ZSCAN29: variants seen among roughly 807,000 people sequenced by gnomAD.
ZSCAN29 encodes the protein zinc finger and SCAN domain containing 29.
ZSCAN29 carries 55 observed loss-of-function variants against 71.9 expected under a neutral mutation model. That is an observed-to-expected ratio of 0.76 (90% CI 0.62 to 0.96). ZSCAN29 has a LOEUF of 0.96. Ranked by LOEUF, ZSCAN29 falls within the 40% of genes least tolerant of loss-of-function variation. The probability of loss-of-function intolerance (pLI) is 0.00; values close to 1 mark genes in which losing one functional copy is unlikely to be tolerated. For synonymous variants in ZSCAN29, 351 were observed against 371.6 expected (o/e 0.94, Z 0.64); for missense variants, 1,042 against 1,042.2 (o/e 1.00, Z 0.00).
At position 43,366,782 on chromosome 15, in the gene ZSCAN29, C is replaced by T; in HGVS notation, c.550G>A (p.Val184Ile). The T allele has an allele frequency of 6.2e-7, 1 of 1,612,854 alleles. No individual in the cohort carries two copies. Among genetic ancestry groups the T allele is most frequent in the Non-Finnish European group, 8.5e-7 (1 of 1,179,564 alleles). ...SGLPFPKSGV[V>I]SRLEQGEPWI... is the part of the protein sequence containing the mutation. The stretch of plus-strand genomic sequence containing the variant: ...GGCTCTCCTTGCTCCAACCTGGAGA[C>T]CACACCGGATTTAGGAAATGGCAAT... Residue 184 changes from valine to isoleucine, a missense_variant, in exon 4 of 6, where the codon GTC becomes ATC. Transcript: ENST00000684362.
At position 43,361,071 on chromosome 15, in the gene ZSCAN29, G is replaced by A; in HGVS notation, c.*2C>T. 3 of 1,587,780 alleles carry A rather than the reference G, an allele frequency of 1.9e-6. No homozygotes were observed. Among genetic ancestry groups the A allele is most frequent in the Non-Finnish European group, 2.6e-6 (3 of 1,164,544 alleles). On this transcript the variant is annotated 3_prime_UTR_variant, in exon 6 of 6. Coordinates refer to ENST00000684362, the MANE Select transcript of ZSCAN29 (RefSeq NM_001372080.1). ...CTCTTTCCGTTATATATCCTCAGGG[G>A]CTTACTTGGGAGCTGACTGTGTCAG...
chr15:43,361,135 G>A lies in ZSCAN29; in HGVS notation c.2497C>T (p.Leu833Phe), dbSNP rs756962367. 2.5e-6 allele frequency: 4 copies of A among 1,613,620 alleles called. No individual in the cohort carries two copies. Among genetic ancestry groups the A allele is most frequent in the Non-Finnish European group, 3.4e-6 (4 of 1,179,538 alleles). Reference sequence around the variant, plus strand: ...GCATGGATTTCTCCGTGCTTATTAAGGGCAGAGCTTTTACTGAAGCACTTA... The same window carrying A: ...GCATGGATTTCTCCGTGCTTATTAAAGGCAGAGCTTTTACTGAAGCACTTA... ...CGKCFSKSSA[L>F]NKHGEIHARE... The change falls in exon 6 of 6, where the codon CTT (leucine) becomes TTT (phenylalanine). Residue 833 changes from leucine (L) to phenylalanine (F), a missense_variant. Coordinates refer to ENST00000684362, the MANE Select transcript of ZSCAN29 (RefSeq NM_001372080.1).
rs1375558659 is a variant in ZSCAN29 at position 43,369,014 on chromosome 15, A to G, written c.432T>C (p.Gly144=). ...RQESVEPQPR[G]VPKKERARSP... is the part of the protein sequence containing the mutation. ...TTCTTGCCCTCTCTTTCTTGGGTACACCCCTGGGCTGGGGTTCCACTGACT... is the reference window on the plus strand; with the variant it reads ...TTCTTGCCCTCTCTTTCTTGGGTACGCCCCTGGGCTGGGGTTCCACTGACT... Residue 144 remains glycine, a synonymous_variant, in exon 3 of 6, where the codon GGT becomes GGC. Coordinates refer to ENST00000684362, the MANE Select transcript of ZSCAN29 (RefSeq NM_001372080.1). The G allele has an allele frequency of 1.2e-6, 2 of 1,612,412 alleles. No individual in the cohort carries two copies. Among genetic ancestry groups the G allele is most frequent in the Admixed American group, 1.7e-5 (1 of 59,764 alleles).
At position 43,366,546 on chromosome 15, in the gene ZSCAN29, C is replaced by G; in HGVS notation, c.786G>C (p.Gln262His). Residue 262 changes from glutamine to histidine, a missense_variant, in exon 4 of 6, where the codon CAG becomes CAC. Physicochemically the swap from Gln to His is conservative, Grantham distance 24. Coordinates refer to ENST00000684362, the MANE Select transcript of ZSCAN29 (RefSeq NM_001372080.1). ...TTCTGAGAGCCTCATAAAACTCAGT[C>G]TGGCTGAGAATTGCGAGGAGCGTTC... ...ETRTLLAILS[Q>H]TEFYEALRNC... 6.2e-7 allele frequency: 1 copy of G among 1,614,262 alleles called. No homozygotes were observed.
rs764111575 is a variant in ZSCAN29, at chr15:43,358,925, A to G, written c.*2148T>C. 6.6e-6 allele frequency: 1 copy of G among 152,272 alleles called. No individual in the cohort carries two copies. Among genetic ancestry groups the G allele is most frequent in the Non-Finnish European group, 1.5e-5 (1 of 68,092 alleles). 9.4% of individuals were successfully genotyped at this position (152,272 alleles called of 1,614,324 possible). A position where few individuals can be genotyped will look rare whatever the true frequency, so the allele number is the denominator to read the frequency against. On this transcript the variant is annotated 3_prime_UTR_variant, in exon 6 of 6. Transcript: ENST00000684362. ...ATTCTCTCTGCCTGCTGCACAGCCC[A>G]TATCATACTATTCCTCAAGTTCTCA...
Position 43,371,020 on chromosome 15 carries a change from A to C in ZSCAN29, c.-575T>G. ...CCCGGCCCCGGCTCTCCAGCCTCCCAAGTACAGCTCCCAAACCGGAAGTCC... is the reference window on the plus strand; with the variant it reads ...CCCGGCCCCGGCTCTCCAGCCTCCCCAGTACAGCTCCCAAACCGGAAGTCC... On this transcript the variant is annotated 5_prime_UTR_variant, in exon 1 of 6. Transcript: ENST00000684362. 1 of 333,624 alleles carries C rather than the reference A, an allele frequency of 3.0e-6. No homozygotes were observed. The allele number at this position is 333,624 out of a possible 1,614,324, so 20.7% of individuals were successfully genotyped here. A position where few individuals can be genotyped will look rare whatever the true frequency, so the allele number is the denominator to read the frequency against.
chr15:43,368,906 A>G lies in ZSCAN29; in HGVS notation c.523+17T>C, dbSNP rs201028220. On this transcript the variant is annotated intron_variant, in intron 3 of 5. Coordinates refer to ENST00000684362, the MANE Select transcript of ZSCAN29 (RefSeq NM_001372080.1). ...TTGGAATGGCAGTCTATCTTCCCAT[A>G]TGAATCTACTCCTCACCGCTCCTTT... is the stretch of plus-strand genomic sequence containing the variant. 6.4e-7 allele frequency: 1 copy of G among 1,567,158 alleles called. No homozygotes were observed. The highest frequency in any genetic ancestry group is 8.7e-7 in the Non-Finnish European group (1 of 1,155,252).
chr15:43,369,281 T>C (rs1013351369), intron 2 of ZSCAN29, 154 bp from the exon 3 acceptor site: 37 of 711,826 alleles, frequency 5.2e-5, no homozygotes, highest in Non-Finnish European at 7.7e-5. Flanking sequence ...TCTTATTCCA[T>C]TGCCATTAGC....
At chr15:43,370,206 A>G in intron 1 of ZSCAN29, 181 bp from the exon 2 acceptor site, 1 of 370,280 alleles carries the variant, frequency 2.7e-6, no homozygotes, top group Non-Finnish European at 4.9e-6. Context: ...AGGAAGCAGC[A>G]GAGAATAAAA....
chr15:43,369,744 A>G lies in ZSCAN29; in HGVS notation c.170T>C (p.Ile57Thr), dbSNP rs1340956253. 2.7e-5 allele frequency: 44 copies of G among 1,614,128 alleles called. No homozygotes were observed. Among genetic ancestry groups the G allele is most frequent in the Non-Finnish European group, 3.4e-5 (40 of 1,180,058 alleles). ...LRPEVRTKEQ[I>T]VELLVLEQFL... ...CTGCTCTAGCACCAACAGTTCTACA[A>G]TCTGCTCCTTGGTGCGCACCTCCGG... The change falls in exon 2 of 6, where the codon ATT (isoleucine) becomes ACT (threonine). Residue 57 changes from isoleucine to threonine, a missense_variant. Physicochemically the swap from Ile to Thr is moderately conservative, Grantham distance 89. Coordinates refer to ENST00000684362, the MANE Select transcript of ZSCAN29 (RefSeq NM_001372080.1).
chr15:43,370,334 C>CA (rs900977763), intron 1 of ZSCAN29: 46 of 160,974 alleles, frequency 2.9e-4, no homozygotes, highest in African/African-American at 1.1e-3. Flanking sequence ...GATCTAAAGA[C>CA]AAGTCACCAT....
At position 43,364,357 on chromosome 15, in the gene ZSCAN29, G is replaced by A; in HGVS notation, c.1248C>T (p.Thr416=). ...PGGVHWGYEE[T]KTYLAILSET... ...CACTAAGAATTGCAAGGTAAGTCTT[G>A]GTCTCTTCATAGCCCCAGTGTACAC... The change falls in exon 5 of 6, where the codon ACC becomes ACT. Residue 416 remains threonine (T), a synonymous_variant. Transcript: ENST00000684362. The A allele has an allele frequency of 6.2e-7, 1 of 1,613,926 alleles. No individual in the cohort carries two copies. Among genetic ancestry groups the A allele is most frequent in the Non-Finnish European group, 8.5e-7 (1 of 1,179,988 alleles).
Position 43,361,917 on chromosome 15 carries a change from T to G in ZSCAN29, c.1715A>C (p.Glu572Ala). 1.2e-6 allele frequency: 2 copies of G among 1,610,396 alleles called. No homozygotes were observed. Among genetic ancestry groups the G allele is most frequent in the Middle Eastern group, 1.7e-4 (1 of 6,042 alleles). The change falls in exon 6 of 6, where the codon GAA becomes GCA. Residue 572 changes from glutamate (E) to alanine (A), a missense_variant. Glu to Ala is a moderately radical substitution (Grantham distance 107). Coordinates refer to ENST00000684362, the MANE Select transcript of ZSCAN29 (RefSeq NM_001372080.1). ...AGAAATATCCCGTTTTGAATTATCT[T>G]CATTCTCAAATCCAGCTTCAAAACC... ...PRGFEAGFEN[E>A]DNSKRDISEE...
Position 43,366,144 on chromosome 15 carries a change from G to A in ZSCAN29, c.1188C>T (p.Asn396=), listed in dbSNP as rs1172375709. The change falls in exon 4 of 6, where the codon AAC becomes AAT. Residue 396 remains asparagine, a synonymous_variant. Coordinates refer to ENST00000684362, the MANE Select transcript of ZSCAN29 (RefSeq NM_001372080.1). ...MDLEATPQDP[N]SAAPVVFRSP... ...TTCTGAACACAACAGGTGCAGCTGAGTTGGGGTCCTGGGGGGTCGCCTCTA... is the reference window on the plus strand; with the variant it reads ...TTCTGAACACAACAGGTGCAGCTGAATTGGGGTCCTGGGGGGTCGCCTCTA... The A allele has an allele frequency of 1.2e-6, 2 of 1,613,656 alleles. No homozygotes were observed. Among genetic ancestry groups the A allele is most frequent in the Non-Finnish European group, 1.7e-6 (2 of 1,179,806 alleles).
rs1025700275 is a variant in ZSCAN29 at position 43,364,220 on chromosome 15, C to T, written c.1385G>A (p.Arg462Gln). 9 of 1,614,184 alleles carry T rather than the reference C, an allele frequency of 5.6e-6. No homozygotes were observed. Among genetic ancestry groups the T allele is most frequent in the Non-Finnish European group, 7.6e-6 (9 of 1,180,036 alleles). The change falls in exon 5 of 6, where the codon CGG becomes CAG. Residue 462 changes from arginine (R) to glutamine (Q), a missense_variant. Coordinates refer to ENST00000684362, the MANE Select transcript of ZSCAN29 (RefSeq NM_001372080.1). ...YGFLRTPEQC[R>Q]TKFKSLQTSY... ...GGTTTGCAGGCTTTTAAACTTGGTC[C>T]GACACTGTTCTGGGGTCCTAAGAAA...
chr15:43,364,645 T>C (rs1327147211), intron 4 of ZSCAN29, among the ~76,000 whole-genome samples: 1 of 152,160 alleles, frequency 6.6e-6, no homozygotes, highest in Non-Finnish European at 1.5e-5. Flanking sequence ...CAGTGGCTTA[T>C]GCCTGTAATC....
intron 4 of ZSCAN29, among the ~76,000 whole-genome samples, chr15:43,365,905 A>G (rs1370959970): frequency 6.6e-6 from 1 of 152,206 alleles, no homozygotes; most frequent in African/African-American, 2.4e-5. Context: ...TTCTGAGTGT[A>G]TTTCTTCTAA....
intron 3 of ZSCAN29, among the ~76,000 whole-genome samples, chr15:43,368,243 T>TCTGGGGGAAAGCTTAA (rs2044058960): frequency 1.8e-5 from 2 of 109,004 alleles, no homozygotes; most frequent in African/African-American, 1.9e-4. Flanking sequence ...GAATGGATCT[T>TCTGGGGGAAAGCTTAA]GGCCGGGCGC....
At chr15:43,365,118 A>C (rs977742301) in intron 4 of ZSCAN29, among the ~76,000 whole-genome samples, 4 of 152,156 alleles carry the variant, frequency 2.6e-5, no homozygotes, top group Admixed American at 2.6e-4. Flanking sequence ...AAAAAACAGA[A>C]GGAAAAGACC....
Sources: gnomAD v4.1 joint callset for allele counts (sites outside exome capture counted in the v4.1 genomes callset) on GRCh38, gnomAD v4.1.1 for gene constraint, MANE v1.5 for transcripts, NCBI Gene and HGNC (gene_info 2026-07-23, HGNC 2026-07-21) for gene names.